KCNAB1: variants seen among roughly 807,000 people sequenced by gnomAD.
The protein encoded by KCNAB1 is potassium voltage-gated channel subfamily A regulatory beta subunit 1.
Under a neutral mutation model 64.6 loss-of-function variants are expected in KCNAB1, and 35 were observed. The ratio of observed to expected loss-of-function variants is 0.54; its 90% CI spans 0.41 to 0.72. KCNAB1 has a LOEUF of 0.72. Among genes scored for constraint, KCNAB1 ranks in the 30% least tolerant of loss-of-function variants. The pLI is 0.00. For synonymous variants in KCNAB1, 177 were observed against 183.8 expected, an observed-to-expected ratio of 0.96 and a Z score of 0.30; for missense variants, 401 against 512.9, an observed-to-expected ratio of 0.78 and a Z score of 2.11.
chr3:156,121,355 G>A (rs571807352), intron 1 of KCNAB1, among the ~76,000 whole-genome samples: 1 of 152,318 alleles, frequency 6.6e-6, no homozygotes, highest in African/African-American at 2.4e-5. Context: ...GCTGGCCATA[G>A]GGATGCAGAA....
chr3:156,493,465 A>G (rs1469861517), intron 8 of KCNAB1, among the ~76,000 whole-genome samples: 1 of 152,086 alleles, frequency 6.6e-6, no homozygotes, highest in African/African-American at 2.4e-5. Flanking sequence ...ATAATTTCAG[A>G]CATAAAAAGT....
At chr3:156,155,140 A>G (rs1002038286) in intron 1 of KCNAB1, among the ~76,000 whole-genome samples, 24 of 152,228 alleles carry the variant, frequency 1.6e-4, no homozygotes, top group African/African-American at 5.8e-4. Flanking sequence ...GCTATTTTGT[A>G]TGACCACTAG....
chr3:156,354,034 T>A (rs1043329983), intron 1 of KCNAB1, among the ~76,000 whole-genome samples: 13 of 131,714 alleles, frequency 9.9e-5, no homozygotes, highest in African/African-American at 4.4e-4. Context: ...TCATAATGTG[T>A]GTGTGTATAT....
At chr3:156,372,585 T>C (rs1726384536) in intron 1 of KCNAB1, among the ~76,000 whole-genome samples, 1 of 152,176 alleles carries the variant, frequency 6.6e-6, no homozygotes, top group Non-Finnish European at 1.5e-5. Context: ...AACCACTGAA[T>C]TGTACAAGTG....
chr3:156,434,829 G>C (rs1367623229), intron 2 of KCNAB1, among the ~76,000 whole-genome samples: 2 of 152,206 alleles, frequency 1.3e-5, no homozygotes, highest in Non-Finnish European at 2.9e-5. Context: ...CATAAGATAA[G>C]TGGAAAAATA....
At chr3:156,415,182 T>C (rs1413301751) in intron 1 of KCNAB1, among the ~76,000 whole-genome samples, 1 of 152,190 alleles carries the variant, frequency 6.6e-6, no homozygotes, top group Non-Finnish European at 1.5e-5. Flanking sequence ...AGAGGCAGCC[T>C]TCTACCAGAT....
At chr3:156,426,383 A>G (rs1206791346) in intron 2 of KCNAB1, among the ~76,000 whole-genome samples, 2 of 151,948 alleles carry the variant, frequency 1.3e-5, no homozygotes, top group Non-Finnish European at 2.9e-5. Flanking sequence ...GTTCCCATAC[A>G]CCCCTATCCC....
At chr3:156,233,185 G>C (rs913298703) in intron 1 of KCNAB1, among the ~76,000 whole-genome samples, 2 of 152,266 alleles carry the variant, frequency 1.3e-5, no homozygotes, top group African/African-American at 4.8e-5. Flanking sequence ...GAGTAGCCGA[G>C]AGTACAGAAA....
chr3:156,426,764 A>G (rs1715852505), intron 2 of KCNAB1, among the ~76,000 whole-genome samples: 1 of 152,172 alleles, frequency 6.6e-6, no homozygotes, highest in African/African-American at 2.4e-5. Flanking sequence ...TCACTTAGTA[A>G]TATACATTTA....
chr3:156,511,385 G>A (rs1717201222), intron 8 of KCNAB1, among the ~76,000 whole-genome samples: 1 of 152,170 alleles, frequency 6.6e-6, no homozygotes, highest in Non-Finnish European at 1.5e-5. Flanking sequence ...TTACAGGTGT[G>A]AGCCACCGTG....
intron 1 of KCNAB1, among the ~76,000 whole-genome samples, chr3:156,335,356 G>GTGGC (rs1723617458): frequency 6.6e-6 from 1 of 152,144 alleles, no homozygotes; most frequent in Non-Finnish European, 1.5e-5. Flanking sequence ...ACCAAGGAAA[G>GTGGC]TGGCTACTCC....
chr3:156,349,613 G>A (rs1411181869), intron 1 of KCNAB1, among the ~76,000 whole-genome samples: 1 of 152,160 alleles, frequency 6.6e-6, no homozygotes, highest in African/African-American at 2.4e-5. Flanking sequence ...CCAGGCTGGA[G>A]TGCAGTGGCA....
chr3:156,534,573 G>A (rs975850580), intron 13 of KCNAB1, among the ~76,000 whole-genome samples: 8 of 152,118 alleles, frequency 5.3e-5, no homozygotes, highest in Admixed American at 2.6e-4. Flanking sequence ...ATCTTGAGCC[G>A]CTCTCAACCA....
chr3:156,327,585 T>C (rs1458443570), intron 1 of KCNAB1, among the ~76,000 whole-genome samples: 2 of 152,134 alleles, frequency 1.3e-5, no homozygotes, highest in Non-Finnish European at 2.9e-5. Context: ...CTTACATAAG[T>C]AAGTAACTCA....
intron 8 of KCNAB1, among the ~76,000 whole-genome samples, chr3:156,505,250 A>G (rs185699501): frequency 1.1e-4 from 17 of 152,180 alleles, no homozygotes; most frequent in Non-Finnish European, 2.2e-4. Context: ...AGTCTATTCC[A>G]TTGATCTATG....
intron 11 of KCNAB1, among the ~76,000 whole-genome samples, chr3:156,519,352 T>C (rs1415213128): frequency 1.3e-5 from 2 of 152,232 alleles, no homozygotes; most frequent in Non-Finnish European, 2.9e-5. Flanking sequence ...TTTTCATTTG[T>C]GTCTCCCATA....
At chr3:156,504,460 A>C (rs1716674978) in intron 8 of KCNAB1, among the ~76,000 whole-genome samples, 1 of 152,134 alleles carries the variant, frequency 6.6e-6, no homozygotes. Flanking sequence ...TGGTAGTTCT[A>C]ATTCTAGTTT....
chr3:156,250,226 AGTT>A (rs974080488), intron 1 of KCNAB1, among the ~76,000 whole-genome samples: 3 of 152,112 alleles, frequency 2.0e-5, no homozygotes, highest in African/African-American at 7.2e-5. Context: ...GCACCAAGGG[AGTT>A]GTTGGCCCTA....
rs115439378 is a variant in KCNAB1 at position 156,417,427 on chromosome 3, G to A, written c.276-4189G>A. 4.1e-3 allele frequency among the ~76,000 whole-genome samples: 623 copies of A among 152,256 alleles called. 3 individuals are homozygous for A. Among genetic ancestry groups the A allele is most frequent in the African/African-American group, 0.014 (592 of 41,532 alleles). Reference sequence around the variant, plus strand: ...TTGCATATGCTTTCCAGCTGTCCCTGTTACGTCAACCTTTAAATCGGGGAT... The same window carrying A: ...TTGCATATGCTTTCCAGCTGTCCCTATTACGTCAACCTTTAAATCGGGGAT... On this transcript the variant is annotated intron_variant, in intron 1 of 13. Transcript: ENST00000490337.
Sources: gnomAD v4.1 joint callset for allele counts (sites outside exome capture counted in the v4.1 genomes callset) on GRCh38, gnomAD v4.1.1 for gene constraint, MANE v1.5 for transcripts, NCBI Gene and HGNC (gene_info 2026-07-23, HGNC 2026-07-21) for gene names.